LRFN5: variants seen among roughly 807,000 people sequenced by gnomAD.
The protein encoded by LRFN5 is leucine rich repeat and fibronectin type III domain containing 5.
In LRFN5, 24 loss-of-function variants were observed where a neutral mutation model predicts 45.6. That is an observed-to-expected ratio of 0.53 (90% CI 0.38 to 0.74). The LOEUF (loss-of-function observed/expected upper bound fraction) is 0.74, where lower values mean the gene tolerates loss of function less well. Ranked by LOEUF, LRFN5 falls within the 30% of genes least tolerant of loss-of-function variation. The probability of loss-of-function intolerance (pLI) is 0.00; values close to 1 mark genes in which losing one functional copy is unlikely to be tolerated. For synonymous variants in LRFN5, 340 were observed against 313.8 expected, an observed-to-expected ratio of 1.08 and a Z score of -0.88; for missense variants, 776 against 861.5, an observed-to-expected ratio of 0.90 and a Z score of 1.24.
chr14:41,804,477 G>T (rs35499288), intron 2 of LRFN5, among the ~76,000 whole-genome samples: 18,845 of 152,016 alleles, frequency 0.12, 1,254 homozygotes, highest in East Asian at 0.21. Flanking sequence ...TGCAAATCTT[G>T]TGACCTCCGG....
intron 1 of LRFN5, among the ~76,000 whole-genome samples, chr14:41,719,745 G>GTATATA (rs144467410): frequency 2.0e-5 from 3 of 149,088 alleles, no homozygotes; most frequent in African/African-American, 7.4e-5. Flanking sequence ...ATGTGTGTGT[G>GTATATA]TATATATATA....
At chr14:41,623,557 G>T (rs1051273954) in intron 1 of LRFN5, among the ~76,000 whole-genome samples, 1 of 152,070 alleles carries the variant, frequency 6.6e-6, no homozygotes. Flanking sequence ...ATCAAACGTG[G>T]TTCAGTTGCT....
intron 1 of LRFN5, among the ~76,000 whole-genome samples, chr14:41,635,144 A>C (rs1243759020): frequency 6.6e-6 from 1 of 152,096 alleles, no homozygotes; most frequent in Non-Finnish European, 1.5e-5. Context: ...GAGAAACATC[A>C]TTTTTGATTT....
intron 2 of LRFN5, among the ~76,000 whole-genome samples, chr14:41,769,181 A>C (rs1341453998): frequency 6.6e-6 from 1 of 152,172 alleles, no homozygotes; most frequent in Middle Eastern, 3.2e-3. Context: ...TCCCTTTAAA[A>C]ATTAATGGAA....
intron 1 of LRFN5, among the ~76,000 whole-genome samples, chr14:41,696,473 T>A (rs1316685839): frequency 1.3e-5 from 2 of 150,582 alleles, no homozygotes; most frequent in Non-Finnish European, 3.0e-5. Flanking sequence ...GATGCGGCAT[T>A]ATTGTCTAAG....
At chr14:41,833,601 G>A (rs1036380353) in intron 2 of LRFN5, among the ~76,000 whole-genome samples, 1 of 152,168 alleles carries the variant, frequency 6.6e-6, no homozygotes, top group Non-Finnish European at 1.5e-5. Context: ...ACTTTTATGT[G>A]ATGTTTTAAT....
At chr14:41,674,114 T>C (rs1270943554) in intron 1 of LRFN5, among the ~76,000 whole-genome samples, 1 of 89,186 alleles carries the variant, frequency 1.1e-5, no homozygotes, top group Admixed American at 1.1e-4. Flanking sequence ...GTGGCTGGCC[T>C]GGCAGAGGGG....
At chr14:41,840,796 C>T (rs1888832439) in intron 2 of LRFN5, among the ~76,000 whole-genome samples, 2 of 151,862 alleles carry the variant, frequency 1.3e-5, no homozygotes, top group Admixed American at 6.6e-5. Context: ...CAGTTAGCTC[C>T]TGTTGATATT....
chr14:41,811,173 T>C (rs1208004573), intron 2 of LRFN5, among the ~76,000 whole-genome samples: 1 of 152,102 alleles, frequency 6.6e-6, no homozygotes, highest in Admixed American at 6.6e-5. Flanking sequence ...GAAATGGCAT[T>C]CAAAATTATT....
intron 2 of LRFN5, among the ~76,000 whole-genome samples, chr14:41,878,446 T>C (rs1300678422): frequency 1.3e-5 from 2 of 152,152 alleles, no homozygotes; most frequent in Non-Finnish European, 2.9e-5. Flanking sequence ...AATTTGCTTT[T>C]ATATTCCATC....
intron 2 of LRFN5, among the ~76,000 whole-genome samples, chr14:41,803,499 A>C (rs1459724061): frequency 1.3e-5 from 2 of 150,422 alleles, no homozygotes; most frequent in African/African-American, 4.9e-5. Context: ...CTACAAGTGC[A>C]CCCCTTTGTG....
rs180828636 is a variant in LRFN5 at position 41,657,166 on chromosome 14, A to G, written c.-197+48604A>G. 1.8e-4 allele frequency among the ~76,000 whole-genome samples: 28 copies of G among 152,050 alleles called. No individual in the cohort carries two copies. The East Asian group carries it at 5.4e-3, about 29-fold the overall frequency. ...TATGTTTCTGATCTACATGTTTTGC[A>G]TTATGAAACATTGTCCAGTTAGGTA... On this transcript the variant is annotated intron_variant, in intron 1 of 5. Coordinates refer to ENST00000298119, the MANE Select transcript of LRFN5 (RefSeq NM_152447.5).
intron 2 of LRFN5, among the ~76,000 whole-genome samples, chr14:41,820,471 G>A (rs1184921972): frequency 6.6e-6 from 1 of 151,918 alleles, no homozygotes; most frequent in Non-Finnish European, 1.5e-5. Flanking sequence ...ATTGATCCAT[G>A]TGTCTATTTT....
intron 4 of LRFN5, chr14:41,894,658 C>T (rs534092396): frequency 4.0e-5 from 39 of 985,008 alleles, no homozygotes; most frequent in South Asian, 9.4e-5. Flanking sequence ...AGTAAGTCTA[C>T]AGAAAAGGTG....
chr14:41,806,624 G>A (rs1055384388), intron 2 of LRFN5, among the ~76,000 whole-genome samples: 4 of 152,186 alleles, frequency 2.6e-5, no homozygotes, highest in Admixed American at 6.5e-5. Context: ...GAGCCCAGAT[G>A]TTGGTGATGA....
chr14:41,809,754 A>G (rs994954202), intron 2 of LRFN5, among the ~76,000 whole-genome samples: 1 of 151,870 alleles, frequency 6.6e-6, no homozygotes, highest in African/African-American at 2.4e-5. Context: ...TAAATCAACA[A>G]AGTGATAGCA....
chr14:41,739,803 C>G (rs999288263), intron 1 of LRFN5, among the ~76,000 whole-genome samples: 5 of 151,634 alleles, frequency 3.3e-5, no homozygotes, highest in Admixed American at 2.6e-4. Context: ...ATAAAATTGA[C>G]AAACCATTAG....
chr14:41,787,811 A>C (rs954394238), intron 2 of LRFN5, among the ~76,000 whole-genome samples: 10 of 151,640 alleles, frequency 6.6e-5, no homozygotes, highest in Non-Finnish European at 2.9e-5. Flanking sequence ...TTCTGTACTT[A>C]ATGTTTGTGT....
At chr14:41,705,408 T>C (rs1373277621) in intron 1 of LRFN5, among the ~76,000 whole-genome samples, 3 of 152,166 alleles carry the variant, frequency 2.0e-5, no homozygotes, top group Admixed American at 6.5e-5. Flanking sequence ...AATTTGAAAT[T>C]AAGGAACATA....
Sources: gnomAD v4.1 joint callset for allele counts (sites outside exome capture counted in the v4.1 genomes callset) on GRCh38, gnomAD v4.1.1 for gene constraint, MANE v1.5 for transcripts, NCBI Gene and HGNC (gene_info 2026-07-23, HGNC 2026-07-21) for gene names.